The following FBXW7 variants were observed in gnomAD, a reference collection of about 807,000 sequenced individuals.
FBXW7 encodes the protein F-box and WD repeat domain containing 7.
Under a neutral mutation model 86.3 loss-of-function variants are expected in FBXW7, and 11 were observed. The observed-to-expected ratio is 0.13, with a 90% CI of 0.08 to 0.21. The LOEUF is 0.21. Among genes scored for constraint, FBXW7 ranks in the 10% least tolerant of loss-of-function variants. The probability of loss-of-function intolerance (pLI) is 1.00; values close to 1 mark genes in which losing one functional copy is unlikely to be tolerated. For synonymous variants in FBXW7, 313 were observed against 297.9 expected (o/e 1.05, Z -0.52); for missense variants, 488 against 847.4 (o/e 0.58, Z 5.27).
intron 4 of FBXW7, among the ~76,000 whole-genome samples, chr4:152,357,877 A>G (rs1314497290): frequency 6.6e-6 from 1 of 152,204 alleles, no homozygotes; most frequent in Non-Finnish European, 1.5e-5. Flanking sequence ...CCAGCCACAG[A>G]ATAAAATAAT....
intron 2 of FBXW7, among the ~76,000 whole-genome samples, chr4:152,463,288 C>A (rs1399933952): frequency 1.3e-5 from 2 of 150,598 alleles, no homozygotes; most frequent in Admixed American, 6.6e-5. Flanking sequence ...GACTTTCTGT[C>A]TCAAAAAAAA....
rs1472288065 is a variant in FBXW7 at position 152,322,833 on chromosome 4, AG to A, written c.*47del. On this transcript the variant is annotated 3_prime_UTR_variant, in exon 14 of 14. Coordinates refer to ENST00000281708, the MANE Select transcript of FBXW7 (RefSeq NM_001349798.2). The stretch of plus-strand genomic sequence containing the variant: ...TTTTTCTTTTTGCAGGGGGAAGGGC[AG>A]GGAGTATATCGTCTACACAATTGGA... 1 of 1,600,026 alleles carries A rather than the reference AG, an allele frequency of 6.2e-7. No homozygotes were observed.
intron 7 of FBXW7, among the ~76,000 whole-genome samples, chr4:152,335,675 A>T (rs1730006603): frequency 6.6e-6 from 1 of 152,144 alleles, no homozygotes. Context: ...AATTGCTTTT[A>T]TTTTTCTCTA....
chr4:152,359,376 G>A (rs1732706985), intron 4 of FBXW7, among the ~76,000 whole-genome samples: 3 of 152,072 alleles, frequency 2.0e-5, no homozygotes. Context: ...CGAGGCAGGA[G>A]GATCATTTGA....
At position 152,535,244 on chromosome 4, in the gene FBXW7, T is replaced by G; in HGVS notation, c.-330A>C. On this transcript the variant is annotated 5_prime_UTR_variant, in exon 1 of 14. Coordinates refer to ENST00000281708, the MANE Select transcript of FBXW7 (RefSeq NM_001349798.2). Reference sequence around the variant, plus strand: ...GATTTTGTTTTTGTAAAGTTTCCTCTGGGTGGAGGCTGCGGCCGGCCCCCC... The same window carrying G: ...GATTTTGTTTTTGTAAAGTTTCCTCGGGGTGGAGGCTGCGGCCGGCCCCCC... 1 of 216,756 alleles carries G rather than the reference T, an allele frequency of 4.6e-6. No homozygotes were observed. 13.4% of individuals were successfully genotyped at this position (216,756 alleles called of 1,614,324 possible). A position where few individuals can be genotyped will look rare whatever the true frequency, so the allele number is the denominator to read the frequency against.
intron 4 of FBXW7, among the ~76,000 whole-genome samples, chr4:152,379,327 T>G (rs564887423): frequency 6.6e-6 from 1 of 152,138 alleles, no homozygotes; most frequent in Non-Finnish European, 1.5e-5. Flanking sequence ...AAATTTATCT[T>G]CCCTTAAAAG....
At chr4:152,472,635 C>T (rs989265527) in intron 2 of FBXW7, among the ~76,000 whole-genome samples, 5 of 152,080 alleles carry the variant, frequency 3.3e-5, no homozygotes, top group Non-Finnish European at 7.4e-5. Context: ...AATTACCTTT[C>T]ATGTAAAGGA....
At chr4:152,509,252 A>G (rs1560982998) in intron 2 of FBXW7, among the ~76,000 whole-genome samples, 1 of 152,190 alleles carries the variant, frequency 6.6e-6, no homozygotes, top group African/African-American at 2.4e-5. Context: ...CATGAATGTT[A>G]ATCTCCTGAT....
intron 2 of FBXW7, among the ~76,000 whole-genome samples, chr4:152,528,250 TAGAA>T (rs1158219012): frequency 3.3e-5 from 5 of 152,228 alleles, no homozygotes; most frequent in South Asian, 4.2e-4. Context: ...ATCTTCCAGA[TAGAA>T]AGAAAGGGCA....
At chr4:152,428,911 A>G (rs1739621068) in intron 2 of FBXW7, among the ~76,000 whole-genome samples, 1 of 152,162 alleles carries the variant, frequency 6.6e-6, no homozygotes, top group African/African-American at 2.4e-5. Flanking sequence ...CTTTCAGAAC[A>G]CTTTGGCCGG....
chr4:152,373,229 G>A (rs920957630), intron 4 of FBXW7, among the ~76,000 whole-genome samples: 1 of 151,874 alleles, frequency 6.6e-6, no homozygotes, highest in Non-Finnish European at 1.5e-5. Flanking sequence ...GTGTAAAACA[G>A]GTAAAATACA....
At chr4:152,358,963 A>AG (rs1560801866) in intron 4 of FBXW7, among the ~76,000 whole-genome samples, 1 of 151,998 alleles carries the variant, frequency 6.6e-6, no homozygotes, top group South Asian at 2.1e-4. Flanking sequence ...GATATGTGGT[A>AG]GCTCAAGTTA....
rs2126881354 is a variant in FBXW7, at chr4:152,411,667, C to T, written c.137G>A (p.Arg46Lys). Reference protein sequence around the residue: ...VVEEEQQQQLRQQEEEHTARN... With the variant: ...VVEEEQQQQLKQQEEEHTARN... ...TGCAGTGTGCTCCTCCTCTTGTTGT[C>T]TGAGTTGCTGTTGCTGTTCCTCCTC... Residue 46 changes from arginine to lysine, a missense_variant, in exon 4 of 14, where the codon AGA becomes AAA. Arg to Lys is a conservative substitution (Grantham distance 26). Coordinates refer to ENST00000281708, the MANE Select transcript of FBXW7 (RefSeq NM_001349798.2). The T allele has an allele frequency of 6.8e-6, 11 of 1,613,976 alleles. No homozygotes were observed. The highest frequency in any genetic ancestry group is 9.3e-6 in the Non-Finnish European group (11 of 1,179,910).
intron 6 of FBXW7, among the ~76,000 whole-genome samples, chr4:152,345,064 C>T (rs547049790): frequency 1.5e-4 from 23 of 152,162 alleles, no homozygotes; most frequent in African/African-American, 5.3e-4. Flanking sequence ...GTTAGCATGG[C>T]AACATACAAC....
At chr4:152,361,828 T>C (rs1453231869) in intron 4 of FBXW7, among the ~76,000 whole-genome samples, 3 of 151,862 alleles carry the variant, frequency 2.0e-5, no homozygotes, top group Non-Finnish European at 4.4e-5. Context: ...TAGCCGGGTA[T>C]GGTGGTGTGC....
At chr4:152,519,493 A>C (rs1748813677) in intron 2 of FBXW7, among the ~76,000 whole-genome samples, 1 of 152,174 alleles carries the variant, frequency 6.6e-6, no homozygotes, top group Non-Finnish European at 1.5e-5. Flanking sequence ...ACTCTCACTC[A>C]ACAACACATT....
At chr4:152,525,126 T>C (rs924694935) in intron 2 of FBXW7, among the ~76,000 whole-genome samples, 2 of 152,188 alleles carry the variant, frequency 1.3e-5, no homozygotes, top group African/African-American at 4.8e-5. Context: ...ATCCAAATCG[T>C]TACCAATAAA....
chr4:152,324,213 T>A lies in FBXW7; in HGVS notation c.1826A>T (p.Lys609Ile). The part of the protein sequence containing the change: ...ADSTVKIWDI[K>I]TGQCLQTLQG... ...CAATGTTTGTAAACACTGTCCTGTT[T>A]TGATATCCCAGATTTTAACTGTAGA... is the stretch of plus-strand genomic sequence containing the variant. The change falls in exon 13 of 14, where the codon AAA becomes ATA. Residue 609 changes from lysine (K) to isoleucine (I), a missense_variant. Around this residue, in one of 4 missense-constraint regions of FBXW7, gnomAD observed 142 missense variants for 406.6 expected, o/e 0.35. Transcript: ENST00000281708. 1 of 1,612,340 alleles carries A rather than the reference T, an allele frequency of 6.2e-7. No individual in the cohort carries two copies. Among genetic ancestry groups the A allele is most frequent in the East Asian group, 2.2e-5 (1 of 44,818 alleles).
At chr4:152,381,837 G>A (rs1470877776) in intron 4 of FBXW7, among the ~76,000 whole-genome samples, 1 of 152,056 alleles carries the variant, frequency 6.6e-6, no homozygotes. Flanking sequence ...CATGTATAAG[G>A]AGAATACCAT....
Sources: allele counts gnomAD v4.1 joint callset (sites outside exome capture counted in the v4.1 genomes callset), GRCh38; gene constraint gnomAD v4.1.1; regional missense constraint gnomAD v4.1.1; transcripts MANE v1.5; gene names NCBI Gene and HGNC (gene_info 2026-07-23, HGNC 2026-07-21).